The following PTPRK variants were observed in gnomAD, a reference collection of about 807,000 sequenced individuals.
PTPRK encodes the protein receptor-type tyrosine-protein phosphatase kappa.
PTPRK carries 75 observed loss-of-function variants against 178.0 expected under a neutral mutation model. That is an observed-to-expected ratio of 0.42 (90% CI 0.35 to 0.51). The LOEUF is 0.51. Among genes scored for constraint, PTPRK ranks in the 20% least tolerant of loss-of-function variants. The pLI, the probability that PTPRK is intolerant of heterozygous loss-of-function variation, is 0.02. For synonymous variants in PTPRK, 637 were observed against 620.6 expected (o/e 1.03, Z -0.39); for missense variants, 1,441 against 1,797.8 (o/e 0.80, Z 3.59).
chr6:128,039,316 A>G (rs1388449067), intron 13 of PTPRK, among the ~76,000 whole-genome samples: 1 of 152,174 alleles, frequency 6.6e-6, no homozygotes. Flanking sequence ...GCTTCAGACC[A>G]CTATTTTAGG....
At chr6:128,476,836 C>T (rs1215728317) in intron 1 of PTPRK, among the ~76,000 whole-genome samples, 1 of 151,544 alleles carries the variant, frequency 6.6e-6, no homozygotes, top group Non-Finnish European at 1.5e-5. Flanking sequence ...ATATTAAGGT[C>T]TAGATGATGA....
intron 2 of PTPRK, among the ~76,000 whole-genome samples, chr6:128,384,971 G>A (rs1356080898): frequency 1.3e-5 from 2 of 150,656 alleles, no homozygotes; most frequent in Non-Finnish European, 1.5e-5. Context: ...ATTTTATTAT[G>A]GTTTTGATGA....
At chr6:128,374,652 A>G (rs1836765703) in intron 2 of PTPRK, among the ~76,000 whole-genome samples, 1 of 152,122 alleles carries the variant, frequency 6.6e-6, no homozygotes, top group Non-Finnish European at 1.5e-5. Flanking sequence ...GCCCCAAGTT[A>G]TAATCTTCTC....
At chr6:128,278,485 G>A (rs1356110839) in intron 3 of PTPRK, among the ~76,000 whole-genome samples, 8 of 152,058 alleles carry the variant, frequency 5.3e-5, no homozygotes, top group Non-Finnish European at 1.2e-4. Flanking sequence ...TTTCAATAAA[G>A]CATTTGAAAG....
chr6:127,985,644 T>G, intron 22 of PTPRK, 77 bp downstream of exon 22: 1 of 1,416,374 alleles, frequency 7.1e-7, no homozygotes, highest in Non-Finnish European at 9.6e-7. Context: ...CATTAGTTTT[T>G]GTGCTCAAAA....
chr6:128,020,658 G>A (rs1773364293), intron 13 of PTPRK, among the ~76,000 whole-genome samples: 1 of 152,150 alleles, frequency 6.6e-6, no homozygotes, highest in African/African-American at 2.4e-5. Flanking sequence ...GAATATTAGA[G>A]AAAGAAATAG....
chr6:128,046,968 C>A (rs1265744148), intron 13 of PTPRK, among the ~76,000 whole-genome samples: 3 of 152,068 alleles, frequency 2.0e-5, no homozygotes, highest in Non-Finnish European at 4.4e-5. Flanking sequence ...CATCCATCTG[C>A]ACAGAGAAAA....
chr6:128,314,632 A>C (rs1827751235), intron 3 of PTPRK, among the ~76,000 whole-genome samples: 1 of 152,142 alleles, frequency 6.6e-6, no homozygotes, highest in African/African-American at 2.4e-5. Context: ...TTGTGAACCT[A>C]ATAAATCACA....
intron 7 of PTPRK, among the ~76,000 whole-genome samples, chr6:128,155,836 C>T (rs371062003): frequency 2.0e-5 from 3 of 151,684 alleles, no homozygotes; most frequent in African/African-American, 7.3e-5. Context: ...CTAGTATATA[C>T]CTGGTTCAAA....
rs373765642 is a variant in PTPRK at position 128,009,231 on chromosome 6, G to A, written c.2232C>T (p.Pro744=). 3.2e-5 allele frequency: 51 copies of A among 1,608,504 alleles called. No homozygotes were observed. Among genetic ancestry groups the A allele is most frequent in the Non-Finnish European group, 4.0e-5 (47 of 1,176,800 alleles). Reference sequence around the variant, plus strand: ...TCACCACTCTGTCTGTCTGCTTGGCGGGATCTGGGATCACTTCTGGTTCTT... The same window carrying A: ...TCACCACTCTGTCTGTCTGCTTGGCAGGATCTGGGATCACTTCTGGTTCTT... ...ATEEPEVIPD[P]AKQTDRVVKI... Residue 744 remains proline (P), a synonymous_variant, in exon 14 of 30, where the codon CCC becomes CCT. Coordinates refer to ENST00000368226, the MANE Select transcript of PTPRK (RefSeq NM_002844.4).
rs754334076 is a variant in PTPRK, at chr6:128,009,230, C to A, written c.2233G>T (p.Ala745Ser). ...TTCACCACTCTGTCTGTCTGCTTGGCGGGATCTGGGATCACTTCTGGTTCT... is the reference window on the plus strand; with the variant it reads ...TTCACCACTCTGTCTGTCTGCTTGGAGGGATCTGGGATCACTTCTGGTTCT... ...TEEPEVIPDP[A>S]KQTDRVVKIA... The change falls in exon 14 of 30, where the codon GCC (alanine) becomes TCC (serine). Residue 745 changes from alanine to serine, a missense_variant. Coordinates refer to ENST00000368226, the MANE Select transcript of PTPRK (RefSeq NM_002844.4). 4 of 1,608,166 alleles carry A rather than the reference C, an allele frequency of 2.5e-6. No individual in the cohort carries two copies. The South Asian group carries it at 3.3e-5, about 13-fold the overall frequency.
Position 128,211,632 on chromosome 6 carries a change from A to G in PTPRK, c.868+7290T>C, listed in dbSNP as rs1370932982. Among the ~76,000 whole-genome samples the G allele has an allele frequency of 5.3e-5, 8 of 152,090 alleles. No homozygotes were observed. The East Asian group carries it at 1.5e-3, about 29-fold the overall frequency. ...TTTCCATGTTTGTATTCTTAGTAAC[A>G]GTCAGGTTCCTGATCATGCTTTACT... On this transcript the variant is annotated intron_variant, in intron 6 of 29. Coordinates refer to ENST00000368226, the MANE Select transcript of PTPRK (RefSeq NM_002844.4).
At chr6:128,156,049 C>A (rs1241096148) in intron 7 of PTPRK, among the ~76,000 whole-genome samples, 4 of 151,868 alleles carry the variant, frequency 2.6e-5, no homozygotes, top group Non-Finnish European at 5.9e-5. Context: ...GCAATTATTG[C>A]AAGTTTCTTA....
At chr6:128,067,947 C>T (rs767542302) in intron 11 of PTPRK, among the ~76,000 whole-genome samples, 155 bp from the exon 12 acceptor site, 2 of 152,000 alleles carry the variant, frequency 1.3e-5, no homozygotes, top group Non-Finnish European at 2.9e-5. Context: ...TCAGCTATTT[C>T]GCAATAAAAT....
At chr6:128,298,809 C>G (rs2128310737) in intron 3 of PTPRK, among the ~76,000 whole-genome samples, 1 of 152,190 alleles carries the variant, frequency 6.6e-6, no homozygotes, top group East Asian at 1.9e-4. Flanking sequence ...AAAACTGGCA[C>G]AAGACAGGGA....
chr6:128,015,272 T>A (rs921938561), intron 13 of PTPRK, among the ~76,000 whole-genome samples: 1 of 151,762 alleles, frequency 6.6e-6, no homozygotes, highest in Non-Finnish European at 1.5e-5. Flanking sequence ...AAGTAAAATA[T>A]TATTTTGTTT....
chr6:128,305,427 T>A (rs1826232309), intron 3 of PTPRK, among the ~76,000 whole-genome samples: 1 of 152,208 alleles, frequency 6.6e-6, no homozygotes, highest in South Asian at 2.1e-4. Context: ...TGACTCGCCT[T>A]GTTTATATAA....
chr6:128,435,046 CAGGA>C (rs759976402), intron 1 of PTPRK, among the ~76,000 whole-genome samples: 9,322 of 71,434 alleles, frequency 0.13, 643 homozygotes, highest in Middle Eastern at 0.18. Context: ...GGCAGGAAGG[CAGGA>C]AGGAAGGAAG....
Position 128,242,567 on chromosome 6 carries a change from A to G in PTPRK, c.531T>C (p.Ser177=), listed in dbSNP as rs972812966. 6.2e-7 allele frequency: 1 copy of G among 1,613,052 alleles called. No individual in the cohort carries two copies. The highest frequency in any genetic ancestry group is 2.2e-5 in the East Asian group (1 of 44,724). ...IFEAEVSGGR[S]GYIAIDDIQV... ...GGATGTCATCAATGGCAATATAACC[A>G]CTTCTCCCTCCTGAGACTTCAGCTT... Residue 177 remains serine (S), a synonymous_variant, in exon 4 of 30, where the codon AGT becomes AGC. Coordinates refer to ENST00000368226, the MANE Select transcript of PTPRK (RefSeq NM_002844.4).
Sources: gnomAD v4.1 joint callset for allele counts (sites outside exome capture counted in the v4.1 genomes callset) on GRCh38, gnomAD v4.1.1 for gene constraint, MANE v1.5 for transcripts, NCBI Gene and HGNC (gene_info 2026-07-23, HGNC 2026-07-21) for gene names.